Variants in ITSN1 observed in about 807,000 individuals in gnomAD.
The protein encoded by ITSN1 is intersectin-1.
ITSN1 carries 58 observed loss-of-function variants against 239.8 expected under a neutral mutation model. The ratio of observed to expected loss-of-function variants is 0.24; its 90% CI spans 0.20 to 0.30. ITSN1 has a LOEUF of 0.30. ITSN1 is among the 10% of genes least tolerant of loss of function. ITSN1 has a pLI of 1.00. For missense variants in ITSN1, 1,558 were observed against 2,103.3 expected, an observed-to-expected ratio of 0.74 and a Z score of 5.07; for synonymous variants, 780 against 770.8, an observed-to-expected ratio of 1.01 and a Z score of -0.20.
intron 1 of ITSN1, chr21:33,643,516 C>T (rs1474515512): frequency 6.6e-6 from 1 of 152,046 alleles, no homozygotes; most frequent in Non-Finnish European, 1.5e-5. Flanking sequence ...TAGAAAACAA[C>T]TTCGGAGATT....
chr21:33,760,121 A>G (rs922501151), intron 8 of ITSN1, among the ~76,000 whole-genome samples: 24 of 151,398 alleles, frequency 1.6e-4, no homozygotes, highest in African/African-American at 5.9e-4. Flanking sequence ...AAAAAAAAAG[A>G]AAAGAAAAGA....
intron 12 of ITSN1, among the ~76,000 whole-genome samples, chr21:33,773,696 T>C (rs2147804419): frequency 6.6e-6 from 1 of 152,144 alleles, no homozygotes; most frequent in East Asian, 1.9e-4. Context: ...TTTTTTTTTT[T>C]TGAGACAGAC....
In ITSN1 at chr21:33,836,428, C is replaced by T. The variant is rs752642738; in HGVS notation, c.3470-13C>T. On this transcript the variant is annotated splice_polypyrimidine_tract_variant and intron_variant, in intron 28 of 39. Coordinates refer to ENST00000381318, the MANE Select transcript of ITSN1 (RefSeq NM_003024.3). ...CGGGTGTGCAGCCGCTCACCCAGCC[C>T]TGTCTCCTGCAGTGTGCCAGGTGAT... 1.3e-6 allele frequency: 2 copies of T among 1,581,698 alleles called. No individual in the cohort carries two copies. The highest frequency in any genetic ancestry group is 1.7e-6 in the Non-Finnish European group (2 of 1,159,866).
chr21:33,840,948 A>C (rs537578777), intron 29 of ITSN1, among the ~76,000 whole-genome samples: 1 of 152,358 alleles, frequency 6.6e-6, no homozygotes, highest in South Asian at 2.1e-4. Context: ...TTGTGCACTT[A>C]CGAATCACTC....
At chr21:33,770,527 A>G (rs2069077964) in intron 11 of ITSN1, among the ~76,000 whole-genome samples, 1 of 152,192 alleles carries the variant, frequency 6.6e-6, no homozygotes, top group Non-Finnish European at 1.5e-5. Flanking sequence ...CTCTTGTCCC[A>G]AGATACTTTC....
At chr21:33,828,136 A>T (rs1231443962) in intron 26 of ITSN1, among the ~76,000 whole-genome samples, 1 of 152,254 alleles carries the variant, frequency 6.6e-6, no homozygotes, top group African/African-American at 2.4e-5. Flanking sequence ...TTGCACTGAA[A>T]CTAGCAAGAA....
chr21:33,769,416 A>G (rs190389768), intron 11 of ITSN1, among the ~76,000 whole-genome samples: 61 of 152,334 alleles, frequency 4.0e-4, no homozygotes, highest in Non-Finnish European at 8.1e-4. Flanking sequence ...TGAGATTCAC[A>G]TAATACAAAA....
chr21:33,871,366 AG>A (rs898777856), intron 33 of ITSN1, among the ~76,000 whole-genome samples: 1 of 150,254 alleles, frequency 6.7e-6, no homozygotes, highest in African/African-American at 2.5e-5. Context: ...TTGCAAGAAG[AG>A]GGGAAAGAGC....
intron 1 of ITSN1, among the ~76,000 whole-genome samples, chr21:33,718,023 G>C (rs2147056550): frequency 6.6e-6 from 1 of 152,242 alleles, no homozygotes; most frequent in Admixed American, 6.5e-5. Flanking sequence ...TTGTTTACAG[G>C]ATATGGAGTT....
intron 18 of ITSN1, among the ~76,000 whole-genome samples, chr21:33,798,216 G>A (rs1479736747): frequency 6.6e-6 from 1 of 151,650 alleles, no homozygotes; most frequent in Non-Finnish European, 1.5e-5. Flanking sequence ...TCCTGTCTTA[G>A]CCTCTCAAGG....
intron 1 of ITSN1, among the ~76,000 whole-genome samples, chr21:33,654,979 C>T (rs1197774787): frequency 1.3e-5 from 2 of 151,426 alleles, no homozygotes; most frequent in Admixed American, 1.3e-4. Context: ...TCTTCTCATT[C>T]TTACCACAAT....
chr21:33,693,677 C>T, intron 1 of ITSN1, among the ~76,000 whole-genome samples: 1 of 152,124 alleles, frequency 6.6e-6, no homozygotes. Flanking sequence ...ATGTTTTAGC[C>T]TGCAATGCTG....
intron 31 of ITSN1, among the ~76,000 whole-genome samples, chr21:33,859,737 T>A (rs574833198): frequency 6.6e-4 from 101 of 152,244 alleles, no homozygotes; most frequent in African/African-American, 2.4e-3. Flanking sequence ...TGGGAGTGGA[T>A]GGAGGGATGG....
intron 30 of ITSN1, among the ~76,000 whole-genome samples, chr21:33,857,986 A>C (rs1979687216): frequency 6.6e-6 from 1 of 152,164 alleles, no homozygotes; most frequent in Non-Finnish European, 1.5e-5. Flanking sequence ...CCTGTGGGAG[A>C]AAATGACCTC....
chr21:33,878,519 C>T (rs963042456), intron 34 of ITSN1, among the ~76,000 whole-genome samples: 2 of 152,158 alleles, frequency 1.3e-5, no homozygotes, highest in African/African-American at 2.4e-5. Flanking sequence ...AAATGACCAG[C>T]GAGAATGTGT....
Position 33,865,075 on chromosome 21 carries a change from C to T in ITSN1, c.3891-76C>T. On this transcript the variant is annotated intron_variant, in intron 31 of 39. Coordinates refer to ENST00000381318, the MANE Select transcript of ITSN1 (RefSeq NM_003024.3). The surrounding 1 kb of genome is among the most constrained non-coding windows in gnomAD (Gnocchi z 4.4). Reference sequence around the variant, plus strand: ...TGTGCCCCTCACACACATTCTGTTTCTGTGCAACCTAAGTGTGCTGTGGTG... The same window carrying T: ...TGTGCCCCTCACACACATTCTGTTTTTGTGCAACCTAAGTGTGCTGTGGTG... The T allele has an allele frequency of 7.0e-7, 1 of 1,429,588 alleles. No individual in the cohort carries two copies. Among genetic ancestry groups the T allele is most frequent in the South Asian group, 1.4e-5 (1 of 72,100 alleles). 88.6% of individuals were successfully genotyped at this position (1,429,588 alleles called of 1,614,324 possible).
At chr21:33,886,231 G>T in intron 38 of ITSN1, 56 bp from the exon 39 acceptor site, 83 of 1,205,440 alleles carry the variant, frequency 6.9e-5, no homozygotes, top group Middle Eastern at 2.1e-4. Flanking sequence ...AAAAAAAAGA[G>T]TGGAGATCAA....
At chr21:33,699,586 G>A (rs968983120) in intron 1 of ITSN1, among the ~76,000 whole-genome samples, 3 of 152,254 alleles carry the variant, frequency 2.0e-5, no homozygotes, top group South Asian at 2.1e-4. Flanking sequence ...AGGTGTGGTG[G>A]TACACACCTA....
intron 1 of ITSN1, among the ~76,000 whole-genome samples, chr21:33,685,992 G>A (rs1038650418): frequency 2.6e-5 from 4 of 152,144 alleles, no homozygotes; most frequent in African/African-American, 9.7e-5. Context: ...GCATTCTTAA[G>A]AGTTTAGTAC....
Sources: allele counts gnomAD v4.1 joint callset (sites outside exome capture counted in the v4.1 genomes callset), GRCh38; gene constraint gnomAD v4.1.1; non-coding constraint Gnocchi (gnomAD v3.1); transcripts MANE v1.5; gene names NCBI Gene and HGNC (gene_info 2026-07-23, HGNC 2026-07-21).